MINK1: variants seen among roughly 807,000 people sequenced by gnomAD.
MINK1 encodes misshapen-like kinase 1.
A neutral mutation model predicts 178.4 loss-of-function variants in MINK1; 46 were observed. That is an observed-to-expected ratio of 0.26 (90% CI 0.20 to 0.33). The LOEUF (loss-of-function observed/expected upper bound fraction) is 0.33, where lower values mean the gene tolerates loss of function less well. Ranked by LOEUF, MINK1 falls within the 10% of genes least tolerant of loss-of-function variation. The pLI, the probability that MINK1 is intolerant of heterozygous loss-of-function variation, is 1.00. For synonymous variants in MINK1, 797 were observed against 709.7 expected (o/e 1.12, Z -1.96); for missense variants, 1,366 against 1,814.9 (o/e 0.75, Z 4.49).
intron 21 of MINK1, 88 bp downstream of exon 21, chr17:4,893,685 A>G: frequency 6.9e-7 from 1 of 1,443,892 alleles, no homozygotes; most frequent in Non-Finnish European, 9.2e-7. Context: ...CTTTGGGGCA[A>G]GTCTGAGGGA....
chr17:4,838,551 C>T (rs1909646585), intron 1 of MINK1, among the ~76,000 whole-genome samples: 1 of 152,150 alleles, frequency 6.6e-6, no homozygotes, highest in South Asian at 2.1e-4. Flanking sequence ...CACATGTAAA[C>T]CATCTTTGTT....
intron 21 of MINK1, 167 bp from the exon 22 acceptor site, chr17:4,893,821 C>T (rs1158260291): frequency 6.9e-5 from 59 of 857,886 alleles, no homozygotes; most frequent in Non-Finnish European, 5.2e-6. Context: ...GCCCTGTGTG[C>T]CATGCAGGGA....
chr17:4,886,447 C>A lies in MINK1; in HGVS notation c.774-4C>A, dbSNP rs1247723620. 6.3e-7 allele frequency: 1 copy of A among 1,598,630 alleles called. No individual in the cohort carries two copies. Among genetic ancestry groups the A allele is most frequent in the South Asian group, 1.1e-5 (1 of 88,624 alleles). The stretch of plus-strand genomic sequence containing the variant: ...CTCCCAGTGTGAGCCACCACTGTTT[C>A]CAGGTCTAAGAAGTTCATTGACTTC... On this transcript the variant is annotated splice_polypyrimidine_tract_variant and splice_region_variant and intron_variant, in intron 9 of 31. Coordinates refer to ENST00000355280, the MANE Select transcript of MINK1 (RefSeq NM_153827.5). The surrounding 1 kb of genome is among the most constrained non-coding windows in gnomAD (Gnocchi z 6.1).
At position 4,894,357 on chromosome 17, in the gene MINK1, G is replaced by A. The variant is rs775572672; in HGVS notation, c.2808+46G>A. ...TCCGCCGGGAGAGAAGAGCCCTGGCGATGGGCAGGAGGTCCCGGTGCTGGG... is the reference window on the plus strand; with the variant it reads ...TCCGCCGGGAGAGAAGAGCCCTGGCAATGGGCAGGAGGTCCCGGTGCTGGG... On this transcript the variant is annotated intron_variant, in intron 23 of 31. Transcript: ENST00000355280. The surrounding 1 kb of genome is among the most constrained non-coding windows in gnomAD (Gnocchi z 4.1). 5.7e-6 allele frequency: 9 copies of A among 1,591,492 alleles called. No individual in the cohort carries two copies. The highest frequency in any genetic ancestry group is 4.5e-5 in the East Asian group (2 of 44,022).
Position 4,856,511 on chromosome 17 carries a change from C to T in MINK1, c.58-21806C>T, listed in dbSNP as rs532138240. ...AGCTGCCGCACAGGGCCTGGCAGCG[C>T]GGGCTGGAGAGGGTGGTTCCATCCA... On this transcript the variant is annotated intron_variant, in intron 1 of 31. Transcript: ENST00000355280. Among the ~76,000 whole-genome samples, 265 of 152,184 alleles carry T rather than the reference C, an allele frequency of 1.7e-3. 1 individual carries two copies. Among genetic ancestry groups the T allele is most frequent in the African/African-American group, 6.0e-3 (251 of 41,498 alleles).
Position 4,894,572 on chromosome 17 carries a change from G to T in MINK1, c.2856G>T (p.Thr952=). Residue 952 remains threonine, a synonymous_variant, in exon 24 of 32, where the codon ACG becomes ACT. Transcript: ENST00000355280. The surrounding 1 kb of genome is among the most constrained non-coding windows in gnomAD (Gnocchi z 4.1). ...AGGCCCCTGGCAAGAGCTCGTTCACGATGTTTGTGGATCTAGGGATCTACC... is the reference window on the plus strand; with the variant it reads ...AGGCCCCTGGCAAGAGCTCGTTCACTATGTTTGTGGATCTAGGGATCTACC... ...LVKAPGKSSF[T]MFVDLGIYQP... 6.2e-7 allele frequency: 1 copy of T among 1,609,366 alleles called. No individual in the cohort carries two copies. The highest frequency in any genetic ancestry group is 2.2e-5 in the East Asian group (1 of 44,748).
chr17:4,890,457 C>G (rs1365064384), intron 13 of MINK1, 60 bp from the exon 14 acceptor site: 1 of 1,532,186 alleles, frequency 6.5e-7, no homozygotes, highest in South Asian at 1.2e-5. Context: ...AGAGGGCATG[C>G]CTGCTCTAAC....
chr17:4,837,836 G>A (rs1909543792), intron 1 of MINK1, among the ~76,000 whole-genome samples: 1 of 152,210 alleles, frequency 6.6e-6, no homozygotes, highest in African/African-American at 2.4e-5. Flanking sequence ...GCACATTCAA[G>A]GAGGACTTGT....
At chr17:4,864,415 T>A (rs1008958769) in intron 1 of MINK1, among the ~76,000 whole-genome samples, 1 of 142,402 alleles carries the variant, frequency 7.0e-6, no homozygotes, top group South Asian at 2.2e-4. Flanking sequence ...GAATAAATAA[T>A]TAATTAATTA....
At position 4,889,701 on chromosome 17, in the gene MINK1, C is replaced by T. The variant is rs1188413712; in HGVS notation, c.1285C>T (p.Arg429Trp). ...RKLQEKEQQR[R>W]LEDMQALRRE... is the part of the protein sequence containing the mutation. ...GCTGCAGGAGAAGGAGCAGCAGCGG[C>T]GGCTGGAGGACATGCAGGCTCTGCG... is the stretch of plus-strand genomic sequence containing the variant. The change falls in exon 13 of 32, where the codon CGG becomes TGG. Residue 429 changes from arginine (R) to tryptophan (W), a missense_variant. By Grantham distance (101) the Arg-to-Trp change is moderately radical (BLOSUM62 -3). Around this residue, in one of 14 missense-constraint regions of MINK1, gnomAD observed 87 missense variants for 78.9 expected, o/e 1.10. Transcript: ENST00000355280. 10 of 1,557,862 alleles carry T rather than the reference C, an allele frequency of 6.4e-6. No homozygotes were observed. Among genetic ancestry groups the T allele is most frequent in the Non-Finnish European group, 8.7e-6 (10 of 1,153,552 alleles).
chr17:4,849,877 T>G (rs1450479758), intron 1 of MINK1, among the ~76,000 whole-genome samples: 2 of 152,170 alleles, frequency 1.3e-5, no homozygotes, highest in Non-Finnish European at 2.9e-5. Flanking sequence ...CCGGCTGGTC[T>G]CAGCTTAAAC....
At chr17:4,872,479 A>C (rs1282646823) in intron 1 of MINK1, among the ~76,000 whole-genome samples, 1 of 152,082 alleles carries the variant, frequency 6.6e-6, no homozygotes, top group Non-Finnish European at 1.5e-5. Context: ...CTACATAAAA[A>C]GTACAAAAAT....
At position 4,891,028 on chromosome 17, in the gene MINK1, GC is replaced by G. The variant is rs1216401472; in HGVS notation, c.1650del (p.Ile551SerfsTer39). 1.3e-6 allele frequency: 2 copies of G among 1,558,566 alleles called. No homozygotes were observed. The highest frequency in any genetic ancestry group is 1.4e-5 in the African/African-American group (1 of 73,404). ...GCAAGCCAGGCAGCACGGGGCCTGA[GC>G]CCCCCATCCCCCAGGCCTCCCCAGG... is the stretch of plus-strand genomic sequence containing the variant. Reference protein sequence around the residue: ...KSKPGSTGPEPPIPQASPGPP... With the variant: ...KSKPGSTGPEXPIPQASPGPP... On this transcript the variant is annotated frameshift_variant, in exon 15 of 32. Coordinates refer to ENST00000355280, the MANE Select transcript of MINK1 (RefSeq NM_153827.5). LOFTEE classifies it high-confidence loss of function.
At chr17:4,841,226 G>T (rs1015403874) in intron 1 of MINK1, among the ~76,000 whole-genome samples, 2 of 152,082 alleles carry the variant, frequency 1.3e-5, no homozygotes, top group Admixed American at 1.3e-4. Flanking sequence ...GGGCACTTCC[G>T]CCAGTGGTTT....
intron 1 of MINK1, chr17:4,859,230 C>T: frequency 1.0e-6 from 1 of 985,358 alleles, no homozygotes; most frequent in Admixed American, 6.1e-5. Flanking sequence ...GGTTCCAGTT[C>T]TTCTACCATT....
chr17:4,893,795 G>A (rs573608815), intron 21 of MINK1, 193 bp from the exon 22 acceptor site: 13 of 927,592 alleles, frequency 1.4e-5, no homozygotes, highest in African/African-American at 1.3e-4. Context: ...GTGCCTGTCT[G>A]CCCCTGTGCC....
At position 4,897,215 on chromosome 17, in the gene MINK1, C is replaced by T. The variant is rs2151086591; in HGVS notation, c.3927C>T (p.Ala1309=). The part of the protein sequence containing the change: ...LCERNDKVFF[A]SVRSGGSSQV... ...CCTGCCCCACCCAGGTGTTTTTTGC[C>T]TCAGTCCGCTCTGGGGGCAGCAGCC... The change falls in exon 32 of 32, where the codon GCC becomes GCT. Residue 1309 remains alanine (A), a synonymous_variant. Coordinates refer to ENST00000355280, the MANE Select transcript of MINK1 (RefSeq NM_153827.5). 1 of 1,613,484 alleles carries T rather than the reference C, an allele frequency of 6.2e-7. No individual in the cohort carries two copies. The highest frequency in any genetic ancestry group is 8.5e-7 in the Non-Finnish European group (1 of 1,179,656).
At chr17:4,884,555 T>A in intron 5 of MINK1, 82 bp downstream of exon 5, 25 of 1,041,344 alleles carry the variant, frequency 2.4e-5, no homozygotes, top group Non-Finnish European at 3.5e-5. Flanking sequence ...CTCCCTGCGC[T>A]GGGAGGAGAC....
rs3214299 is a variant in MINK1, at chr17:4,887,506, G to GC, written c.1020-73dup. 160,390 of 1,352,714 alleles carry GC rather than the reference G, an allele frequency of 0.12. 14,910 individuals carry two copies. Among genetic ancestry groups the GC allele is most frequent in the East Asian group, 0.46 (18,201 of 39,288 alleles). The allele number at this position is 1,352,714 out of a possible 1,614,324, so 83.8% of individuals were successfully genotyped here. On this transcript the variant is annotated intron_variant, in intron 11 of 31. Coordinates refer to ENST00000355280, the MANE Select transcript of MINK1 (RefSeq NM_153827.5). This position sits in a 1 kb window ranked among gnomAD's most constrained non-coding sequence, Gnocchi z 7.6. ...TGATCCAGTTAAAGCACCCACTCAG[G>GC]CGGGCCCACGGGGTTGAGAGTGGGA... is the stretch of plus-strand genomic sequence containing the variant.
Sources: gnomAD v4.1 joint callset for allele counts (sites outside exome capture counted in the v4.1 genomes callset) on GRCh38, gnomAD v4.1.1 for gene constraint, gnomAD v4.1.1 regional missense constraint, Gnocchi (gnomAD v3.1) non-coding constraint, MANE v1.5 for transcripts, NCBI Gene and HGNC (gene_info 2026-07-23, HGNC 2026-07-21) for gene names.